Variants in KCNQ3 observed in about 807,000 individuals in gnomAD.
The protein encoded by KCNQ3 is potassium voltage-gated channel subfamily Q member 3, also known as potassium voltage-gated channel subfamily KQT member 3.
KCNQ3 carries 30 observed loss-of-function variants against 92.5 expected under a neutral mutation model. The ratio of observed to expected loss-of-function variants is 0.32; its 90% CI spans 0.24 to 0.44. The LOEUF (loss-of-function observed/expected upper bound fraction) is 0.44, where lower values mean the gene tolerates loss of function less well. KCNQ3 is among the 20% of genes least tolerant of loss of function. KCNQ3 has a pLI of 1.00. For synonymous variants in KCNQ3, 450 were observed against 468.8 expected, an observed-to-expected ratio of 0.96 and a Z score of 0.52; for missense variants, 913 against 1,140.3, an observed-to-expected ratio of 0.80 and a Z score of 2.87.
chr8:132,214,046 G>C (rs1320299049), intron 1 of KCNQ3, among the ~76,000 whole-genome samples: 2 of 152,124 alleles, frequency 1.3e-5, no homozygotes, highest in Non-Finnish European at 2.9e-5. Flanking sequence ...TCACTATAAA[G>C]ATAAATAAAG....
intron 6 of KCNQ3, among the ~76,000 whole-genome samples, chr8:132,172,982 T>C (rs1826431001): frequency 6.6e-6 from 1 of 152,222 alleles, no homozygotes; most frequent in Non-Finnish European, 1.5e-5. Flanking sequence ...CTGTTGCATA[T>C]TGGTTTTTTC....
intron 1 of KCNQ3, among the ~76,000 whole-genome samples, chr8:132,436,981 T>A (rs147550663): frequency 4.7e-4 from 72 of 152,328 alleles, no homozygotes; most frequent in African/African-American, 1.7e-3. Flanking sequence ...TTTGCTTCTC[T>A]TAAGAGTGGG....
chr8:132,132,299 T>C (rs1353271974), intron 13 of KCNQ3, 35 bp from the exon 14 acceptor site: 1 of 1,541,650 alleles, frequency 6.5e-7, no homozygotes, highest in South Asian at 1.1e-5. Context: ...AAGATCATTA[T>C]ATCTATTTTT....
intron 1 of KCNQ3, chr8:132,187,239 A>G (rs1156604081): frequency 6.6e-6 from 3 of 455,920 alleles, no homozygotes; most frequent in African/African-American, 2.0e-5. Context: ...TTCAATATTT[A>G]AATGGCAGAC....
rs886200956 is a variant in KCNQ3, at chr8:132,480,865, G to T, written c.-333C>A. 2.5e-5 allele frequency: 4 copies of T among 156,996 alleles called. No homozygotes were observed. In the South Asian group the frequency reaches 6.9e-4, roughly 27 times the overall value. The allele number at this position is 156,996 out of a possible 1,614,324, so 9.7% of individuals were successfully genotyped here. A position where few individuals can be genotyped will look rare whatever the true frequency, so the allele number is the denominator to read the frequency against. On this transcript the variant is annotated 5_prime_UTR_variant, in exon 1 of 15. Transcript: ENST00000388996. ...CGCGCGGCGGCGGGAGCCTGGAACC[G>T]GCGCTCCGGGGCGGCGGCGGCGGCG...
intron 1 of KCNQ3, among the ~76,000 whole-genome samples, chr8:132,434,335 A>T (rs1460887264): frequency 2.0e-5 from 3 of 152,046 alleles, no homozygotes; most frequent in African/African-American, 7.3e-5. Flanking sequence ...AGGTTTTATC[A>T]CTGCTTAACA....
intron 1 of KCNQ3, among the ~76,000 whole-genome samples, chr8:132,403,925 C>T (rs539661747): frequency 6.6e-6 from 1 of 152,214 alleles, no homozygotes; most frequent in Admixed American, 6.5e-5. Context: ...TAAGGCCTCA[C>T]CAAGGGGCCA....
At chr8:132,133,354 C>CTTTTT (rs10673519) in intron 13 of KCNQ3, among the ~76,000 whole-genome samples, 1,244 of 103,386 alleles carry the variant, frequency 0.012, 73 homozygotes, top group Non-Finnish European at 0.017. Context: ...GCTCTCGATT[C>CTTTTT]TTTTTTTTTT....
intron 1 of KCNQ3, among the ~76,000 whole-genome samples, chr8:132,422,166 C>T (rs770680041): frequency 6.6e-6 from 1 of 152,210 alleles, no homozygotes; most frequent in Non-Finnish European, 1.5e-5. Flanking sequence ...TCCAGGATCG[C>T]CCTTCTCAGG....
Position 132,162,273 on chromosome 8 carries a change from AG to A in KCNQ3, c.1262+1194del, listed in dbSNP as rs113566404. Among the ~76,000 whole-genome samples the A allele has an allele frequency of 7.7e-3, 1,167 of 152,306 alleles. 16 individuals are homozygous for A. Among genetic ancestry groups the A allele is most frequent in the African/African-American group, 0.027 (1,117 of 41,564 alleles). The stretch of plus-strand genomic sequence containing the variant: ...AATTTTCTTCATGTCTGTATAGAAA[AG>A]GCTCTAAAGGTAGATTTAATAATTC... On this transcript the variant is annotated intron_variant, in intron 9 of 14. Transcript: ENST00000388996.
chr8:132,215,496 G>T (rs79574936), intron 1 of KCNQ3, among the ~76,000 whole-genome samples: 3,254 of 152,336 alleles, frequency 0.021, 122 homozygotes, highest in African/African-American at 0.075. Context: ...AAAAGAGAAA[G>T]AAATGTGTTC....
At chr8:132,136,023 G>T (rs1160335722) in intron 12 of KCNQ3, among the ~76,000 whole-genome samples, 1 of 147,822 alleles carries the variant, frequency 6.8e-6, no homozygotes, top group Non-Finnish European at 1.5e-5. Context: ...GGAAGTTGAG[G>T]CAGGAGAATC....
At chr8:132,242,010 C>T (rs1017969970) in intron 1 of KCNQ3, among the ~76,000 whole-genome samples, 3 of 118,244 alleles carry the variant, frequency 2.5e-5, no homozygotes, top group African/African-American at 5.5e-5. Flanking sequence ...TTTTAATTTG[C>T]TTAGGAACTT....
At chr8:132,386,469 T>C (rs1819893805) in intron 1 of KCNQ3, among the ~76,000 whole-genome samples, 1 of 152,106 alleles carries the variant, frequency 6.6e-6, no homozygotes, top group Non-Finnish European at 1.5e-5. Flanking sequence ...TTCTGTGTAG[T>C]TATCCTTGAA....
chr8:132,268,778 A>T (rs1199295739), intron 1 of KCNQ3, among the ~76,000 whole-genome samples: 1 of 152,178 alleles, frequency 6.6e-6, no homozygotes, highest in Admixed American at 6.5e-5. Context: ...TATGCTAAGA[A>T]TATGTTTCGT....
At chr8:132,187,942 G>T (rs62519611) in intron 1 of KCNQ3, among the ~76,000 whole-genome samples, 1 of 139,020 alleles carries the variant, frequency 7.2e-6, no homozygotes, top group Non-Finnish European at 1.6e-5. Flanking sequence ...GATGGTGGTG[G>T]TGGTGGTGGT....
intron 11 of KCNQ3, among the ~76,000 whole-genome samples, chr8:132,138,377 T>A (rs1390838311): frequency 6.6e-6 from 1 of 152,196 alleles, no homozygotes; most frequent in Non-Finnish European, 1.5e-5. Context: ...TTCAGCATCA[T>A]CCCAGGGCCA....
intron 1 of KCNQ3, among the ~76,000 whole-genome samples, chr8:132,215,074 C>G (rs1297005523): frequency 6.6e-6 from 1 of 152,230 alleles, no homozygotes; most frequent in African/African-American, 2.4e-5. Context: ...TGTCGTTCCC[C>G]CTGGCTGGAG....
In KCNQ3 at chr8:132,220,016, T is replaced by C. The variant is rs562910858; in HGVS notation, c.387-33835A>G. The stretch of plus-strand genomic sequence containing the variant: ...CCTTGATGATATATTTTTTTAATTC[T>C]GATTCTCTTTCCATCGCACCATGCT... On this transcript the variant is annotated intron_variant, in intron 1 of 14. Transcript: ENST00000388996. 2.4e-4 allele frequency among the ~76,000 whole-genome samples: 37 copies of C among 152,346 alleles called. No individual in the cohort carries two copies. The Middle Eastern group carries it at 0.01, about 42-fold the overall frequency.
Sources: allele counts gnomAD v4.1 joint callset (sites outside exome capture counted in the v4.1 genomes callset), GRCh38; gene constraint gnomAD v4.1.1; transcripts MANE v1.5; gene names NCBI Gene and HGNC (gene_info 2026-07-23, HGNC 2026-07-21).